The following ZNF326 variants were observed in gnomAD, a reference collection of about 807,000 sequenced individuals.
The protein encoded by ZNF326 is zinc finger protein 326.
ZNF326 carries 30 observed loss-of-function variants against 63.1 expected under a neutral mutation model. The observed-to-expected ratio is 0.48, with a 90% confidence interval of 0.36 to 0.64. ZNF326 has a LOEUF of 0.64. ZNF326 is among the 30% of genes least tolerant of loss of function. The probability of loss-of-function intolerance (pLI) is 0.00; values close to 1 mark genes in which losing one functional copy is unlikely to be tolerated. For synonymous variants in ZNF326, 194 were observed against 228.2 expected (o/e 0.85, Z 1.35); for missense variants, 609 against 720.3 (o/e 0.85, Z 1.77).
intron 6 of ZNF326, among the ~76,000 whole-genome samples, chr1:90,012,557 A>G (rs1050091760): frequency 5.9e-5 from 9 of 152,218 alleles, no homozygotes. Flanking sequence ...TGAATTGCAC[A>G]TTTTAAAATG....
Position 90,007,341 on chromosome 1 carries a change from C to T in ZNF326, c.210-4C>T. The T allele has an allele frequency of 6.4e-7, 1 of 1,568,082 alleles. No individual in the cohort carries two copies. ...TTTTTTCCCTCACTGTGCAACTTTT[C>T]CAGGTTTGGACCTTATGAGTCTTAC... is the stretch of plus-strand genomic sequence containing the variant. On this transcript the variant is annotated splice_polypyrimidine_tract_variant and splice_region_variant and intron_variant, in intron 4 of 11. Transcript: ENST00000340281. The surrounding 1 kb of genome is among the most constrained non-coding windows in gnomAD (Gnocchi z 4.9).
rs1446032375 is a variant in ZNF326 at position 90,030,214 on chromosome 1, C to T, written c.*2513C>T. On this transcript the variant is annotated 3_prime_UTR_variant, in exon 12 of 12. Transcript: ENST00000340281. ...CCGACTCTTCTACCTCCACTGCAAC[C>T]AACCCAGTTCAAGTCATGATAATTT... The T allele has an allele frequency of 6.6e-6, 1 of 152,210 alleles. No homozygotes were observed. Among genetic ancestry groups the T allele is most frequent in the Non-Finnish European group, 1.5e-5 (1 of 68,042 alleles). The allele number at this position is 152,210 out of a possible 1,614,324, so 9.4% of individuals were successfully genotyped here.
intron 11 of ZNF326, among the ~76,000 whole-genome samples, chr1:90,022,603 G>C (rs532778363): frequency 3.3e-5 from 5 of 152,282 alleles, no homozygotes; most frequent in African/African-American, 1.2e-4. Context: ...AAATCAAAAT[G>C]TCAGCTTTAT....
At position 90,031,468 on chromosome 1, in the gene ZNF326, C is replaced by CT. The variant is rs1466460059; in HGVS notation, c.*3773dup. 2 of 151,486 alleles carry CT rather than the reference C, an allele frequency of 1.3e-5. No individual in the cohort carries two copies. Among genetic ancestry groups the CT allele is most frequent in the African/African-American group, 2.4e-5 (1 of 41,212 alleles). The allele number at this position is 151,486 out of a possible 1,614,324, so 9.4% of individuals were successfully genotyped here. A position where few individuals can be genotyped will look rare whatever the true frequency, so the allele number is the denominator to read the frequency against. Reference sequence around the variant, plus strand: ...TGTCCTTACTTTGAATATAAGCAAACTTTTTTATTGTGGTAAAGTATACAT... The same window carrying CT: ...TGTCCTTACTTTGAATATAAGCAAACTTTTTTTATTGTGGTAAAGTATACAT... On this transcript the variant is annotated 3_prime_UTR_variant, in exon 12 of 12. Transcript: ENST00000340281.
intron 11 of ZNF326, among the ~76,000 whole-genome samples, chr1:90,024,637 C>T (rs1649927407): frequency 6.6e-6 from 1 of 151,828 alleles, no homozygotes; most frequent in African/African-American, 2.4e-5. Flanking sequence ...TATTTTAAGA[C>T]AGAATCTTTT....
rs1650373488 is a variant in ZNF326, at chr1:90,033,778, C to T, written c.*6077C>T. The stretch of plus-strand genomic sequence containing the variant: ...CACCATCTGTTTAAAAATTAAACTT[C>T]ATGAGATTAAGAGCCATATGTATAG... On this transcript the variant is annotated 3_prime_UTR_variant, in exon 12 of 12. Coordinates refer to ENST00000340281, the MANE Select transcript of ZNF326 (RefSeq NM_182976.4). 6.6e-6 allele frequency: 1 copy of T among 152,024 alleles called. No individual in the cohort carries two copies. Among genetic ancestry groups the T allele is most frequent in the African/African-American group, 2.4e-5 (1 of 41,398 alleles). The allele number at this position is 152,024 out of a possible 1,614,324, so 9.4% of individuals were successfully genotyped here. A position where few individuals can be genotyped will look rare whatever the true frequency, so the allele number is the denominator to read the frequency against.
In ZNF326 at chr1:90,005,180, A is replaced by G. The variant is rs538103200; in HGVS notation, c.145A>G (p.Met49Val). 4.3e-6 allele frequency: 7 copies of G among 1,614,076 alleles called. No individual in the cohort carries two copies. The highest frequency in any genetic ancestry group is 4.0e-5 in the African/African-American group (3 of 75,032). The change falls in exon 4 of 12, where the codon ATG (methionine) becomes GTG (valine). Residue 49 changes from methionine to valine, a missense_variant. This residue lies in a region of ZNF326 where 97 missense variants were observed against 88.7 expected (regional missense o/e 1.09). Transcript: ENST00000340281. Reference sequence around the variant, plus strand: ...TGGATCCTATGGGGGTCAGAGATCCATGGATTCCTACCTAAACCAGTCATA... The same window carrying G: ...TGGATCCTATGGGGGTCAGAGATCCGTGGATTCCTACCTAAACCAGTCATA... The part of the protein sequence containing the change: ...GHGSYGGQRS[M>V]DSYLNQSYGM...
At chr1:90,021,067 G>A in intron 10 of ZNF326, 145 bp downstream of exon 10, 3 of 858,430 alleles carry the variant, frequency 3.5e-6, no homozygotes, top group Non-Finnish European at 5.3e-6. Context: ...CAGAGAGGCA[G>A]TATATAGTGG....
rs1464419566 is a variant in ZNF326, at chr1:90,013,929, G to A, written c.926+692G>A. Among the ~76,000 whole-genome samples, 4 of 152,130 alleles carry A rather than the reference G, an allele frequency of 2.6e-5. No individual in the cohort carries two copies. In the East Asian group the frequency reaches 7.7e-4, roughly 29 times the overall value. ...AAATACAAAAAAAAATTAGCCAGGTGTGGTGGGTGCCTGTAGTCCCAGCTA... is the reference window on the plus strand; with the variant it reads ...AAATACAAAAAAAAATTAGCCAGGTATGGTGGGTGCCTGTAGTCCCAGCTA... On this transcript the variant is annotated intron_variant, in intron 7 of 11. Coordinates refer to ENST00000340281, the MANE Select transcript of ZNF326 (RefSeq NM_182976.4).
chr1:90,013,255 G>A lies in ZNF326; in HGVS notation c.926+18G>A. 1 of 1,502,700 alleles carries A rather than the reference G, an allele frequency of 6.7e-7. No individual in the cohort carries two copies. The highest frequency in any genetic ancestry group is 8.9e-7 in the Non-Finnish European group (1 of 1,119,440). 93.1% of individuals were successfully genotyped at this position (1,502,700 alleles called of 1,614,324 possible). A position where few individuals can be genotyped will look rare whatever the true frequency, so the allele number is the denominator to read the frequency against. ...GGATACAGGTTTGTACTTAGAGTCA[G>A]AAAATTAGGTTCATTAAAAAATGAT... On this transcript the variant is annotated intron_variant, in intron 7 of 11. Transcript: ENST00000340281.
intron 4 of ZNF326, chr1:90,006,155 T>C: frequency 4.1e-6 from 4 of 985,440 alleles, no homozygotes; most frequent in Non-Finnish European, 4.8e-6. Flanking sequence ...TGGTTTATAG[T>C]AAAGAAAAAT....
At position 89,999,014 on chromosome 1, in the gene ZNF326, A is replaced by G. The variant is rs17506855; in HGVS notation, c.61+860A>G. On this transcript the variant is annotated intron_variant, in intron 2 of 11. Coordinates refer to ENST00000340281, the MANE Select transcript of ZNF326 (RefSeq NM_182976.4). ...TAAACTTTGGATTTCATGTGGGCTA[A>G]AAAGGCTTAACATATAGGGAGTTAG... Among the ~76,000 whole-genome samples, 690 of 152,332 alleles carry G rather than the reference A, an allele frequency of 4.5e-3. 10 individuals carry two copies. Among genetic ancestry groups the G allele is most frequent in the Admixed American group, 0.026 (393 of 15,302 alleles).
intron 2 of ZNF326, among the ~76,000 whole-genome samples, chr1:90,003,128 CT>C (rs35203888): frequency 0.019 from 2,660 of 137,576 alleles, 40 homozygotes; most frequent in African/African-American, 0.06. Context: ...TCACTTAGTT[CT>C]TTTTTTTTTT....
intron 6 of ZNF326, among the ~76,000 whole-genome samples, chr1:90,010,504 A>C (rs1649186530): frequency 6.6e-6 from 1 of 152,038 alleles, no homozygotes; most frequent in African/African-American, 2.4e-5. Context: ...CTTTTTCCTG[A>C]ATCCTTGTGG....
At chr1:90,025,419 C>T (rs1270751666) in intron 11 of ZNF326, among the ~76,000 whole-genome samples, 1 of 152,150 alleles carries the variant, frequency 6.6e-6, no homozygotes, top group African/African-American at 2.4e-5. Context: ...GGCTCAGCCT[C>T]CTGAGTAGCT....
At chr1:89,999,248 G>A (rs984768763) in intron 2 of ZNF326, among the ~76,000 whole-genome samples, 1 of 151,868 alleles carries the variant, frequency 6.6e-6, no homozygotes, top group East Asian at 1.9e-4. Context: ...CTTGCAGGCT[G>A]ACTAGTAATG....
intron 8 of ZNF326, among the ~76,000 whole-genome samples, chr1:90,017,707 G>T (rs2816885): frequency 0.12 from 18,645 of 152,196 alleles, 2,631 homozygotes; most frequent in African/African-American, 0.35. Flanking sequence ...TTTAACAACT[G>T]TATTGATGTG....
At chr1:89,995,312 A>T (rs1256901826) in intron 1 of ZNF326, 39 bp downstream of exon 1, 7 of 1,535,094 alleles carry the variant, frequency 4.6e-6, no homozygotes, top group Non-Finnish European at 6.1e-6. Context: ...AGCTGGCAGG[A>T]GGCGGGGTGG....
Position 90,005,204 on chromosome 1 carries a change from T to C in ZNF326, c.169T>C (p.Tyr57His). 6.2e-7 allele frequency: 1 copy of C among 1,614,014 alleles called. No homozygotes were observed. The highest frequency in any genetic ancestry group is 8.5e-7 in the Non-Finnish European group (1 of 1,179,958). Residue 57 changes from tyrosine (Y) to histidine (H), a missense_variant, in exon 4 of 12, where the codon TAT (tyrosine) becomes CAT (histidine). Physicochemically the swap from Tyr to His is moderately conservative, Grantham distance 83. Transcript: ENST00000340281. The part of the protein sequence containing the change: ...RSMDSYLNQS[Y>H]GMDNHSGGGG... ...CATGGATTCCTACCTAAACCAGTCA[T>C]ATGGCATGGACAATCACAGTGGTGG...
Sources: gnomAD v4.1 joint callset for allele counts (sites outside exome capture counted in the v4.1 genomes callset) on GRCh38, gnomAD v4.1.1 for gene constraint, gnomAD v4.1.1 regional missense constraint, Gnocchi (gnomAD v3.1) non-coding constraint, MANE v1.5 for transcripts, NCBI Gene and HGNC (gene_info 2026-07-23, HGNC 2026-07-21) for gene names.